ZNF277: variants seen among roughly 807,000 people sequenced by gnomAD.
The protein encoded by ZNF277 is nuclear receptor-interacting factor 4.
Under a neutral mutation model 60.7 loss-of-function variants are expected in ZNF277, and 55 were observed. The observed-to-expected ratio is 0.91, with a 90% CI of 0.73 to 1.13. The LOEUF (loss-of-function observed/expected upper bound fraction) is 1.13. Ranked by LOEUF, ZNF277 falls within the 50% of genes most tolerant of loss-of-function variation. The pLI, the probability that ZNF277 is intolerant of heterozygous loss-of-function variation, is 0.00. For missense variants in ZNF277, 510 were observed against 523.0 expected (o/e 0.98, Z 0.24); for synonymous variants, 178 against 179.3 (o/e 0.99, Z 0.06).
chr7:112,329,776 A>T lies in ZNF277; in HGVS notation c.669-308A>T, dbSNP rs536866333. Among the ~76,000 whole-genome samples, 7 of 152,344 alleles carry T rather than the reference A, an allele frequency of 4.6e-5. No individual in the cohort carries two copies. The South Asian group carries it at 1.4e-3, about 32-fold the overall frequency. ...ATAATTAATTGAAGAACATACCTACATACTTATTTTAGAATAGGTAATTCA... is the reference window on the plus strand; with the variant it reads ...ATAATTAATTGAAGAACATACCTACTTACTTATTTTAGAATAGGTAATTCA... On this transcript the variant is annotated intron_variant, in intron 6 of 11. Transcript: ENST00000361822.
intron 1 of ZNF277, among the ~76,000 whole-genome samples, chr7:112,224,452 C>A (rs935525653): frequency 3.3e-5 from 5 of 152,114 alleles, no homozygotes; most frequent in African/African-American, 1.2e-4. Context: ...GGGCTCAATT[C>A]CTAATACAAC....
At chr7:112,218,884 T>G (rs1183307956) in intron 1 of ZNF277, among the ~76,000 whole-genome samples, 1 of 152,214 alleles carries the variant, frequency 6.6e-6, no homozygotes, top group Admixed American at 6.5e-5. Flanking sequence ...ACACTTAGCT[T>G]GATTCTTTAT....
intron 1 of ZNF277, among the ~76,000 whole-genome samples, chr7:112,237,912 G>A (rs77028615): frequency 0.043 from 6,492 of 152,264 alleles, 333 homozygotes; most frequent in African/African-American, 0.12. Context: ...GAAGATAGAT[G>A]CAGAAATCTT....
chr7:112,239,802 G>A (rs1790900045), intron 1 of ZNF277, among the ~76,000 whole-genome samples: 1 of 152,198 alleles, frequency 6.6e-6, no homozygotes, highest in Admixed American at 6.5e-5. Flanking sequence ...ATCATGGTAT[G>A]TAAACTACTC....
At chr7:112,244,682 A>G (rs913157203) in intron 1 of ZNF277, among the ~76,000 whole-genome samples, 1 of 152,042 alleles carries the variant, frequency 6.6e-6, no homozygotes, top group African/African-American at 2.4e-5. Flanking sequence ...TTTCTCTATT[A>G]CCTCTTTCTT....
chr7:112,285,083 G>A (rs1792034289), intron 1 of ZNF277, among the ~76,000 whole-genome samples: 1 of 152,062 alleles, frequency 6.6e-6, no homozygotes, highest in Admixed American at 6.6e-5. Context: ...AGGCTGGAGT[G>A]CAGTGGCATG....
intron 1 of ZNF277, among the ~76,000 whole-genome samples, chr7:112,210,918 T>C (rs1417680174): frequency 6.6e-6 from 1 of 152,240 alleles, no homozygotes; most frequent in Non-Finnish European, 1.5e-5. Context: ...TTTGCTGTTT[T>C]TAAAAATCAG....
At chr7:112,231,251 G>A (rs1822320346) in intron 1 of ZNF277, among the ~76,000 whole-genome samples, 1 of 151,892 alleles carries the variant, frequency 6.6e-6, no homozygotes, top group Admixed American at 6.6e-5. Context: ...TGTATGATGT[G>A]TGTGTGTAAA....
intron 4 of ZNF277, 53 bp downstream of exon 4, chr7:112,296,364 A>C: frequency 2.4e-6 from 2 of 848,242 alleles, no homozygotes; most frequent in Non-Finnish European, 3.6e-6. Context: ...ATATAAATAC[A>C]TATAAAATCA....
intron 1 of ZNF277, among the ~76,000 whole-genome samples, chr7:112,252,049 A>T (rs1791210612): frequency 6.6e-6 from 1 of 152,374 alleles, no homozygotes; most frequent in Middle Eastern, 3.4e-3. Context: ...GTCTTGTGAC[A>T]TAACTTCTCA....
intron 1 of ZNF277, among the ~76,000 whole-genome samples, chr7:112,275,343 G>GTA (rs1791768369): frequency 6.6e-6 from 1 of 152,182 alleles, no homozygotes; most frequent in Admixed American, 6.5e-5. Flanking sequence ...ATGCTCTGAA[G>GTA]TATCTTCAGT....
chr7:112,302,008 T>C (rs1359498592), intron 4 of ZNF277, among the ~76,000 whole-genome samples: 1 of 152,108 alleles, frequency 6.6e-6, no homozygotes, highest in African/African-American at 2.4e-5. Context: ...CAGTTTTTCC[T>C]TTGTCTACAG....
intron 2 of ZNF277, among the ~76,000 whole-genome samples, chr7:112,294,579 G>C (rs1792283734): frequency 6.6e-6 from 1 of 152,148 alleles, no homozygotes; most frequent in Non-Finnish European, 1.5e-5. Flanking sequence ...GGTTGTACAG[G>C]AGAAGAAAAA....
At chr7:112,267,914 A>G (rs1389988860) in intron 1 of ZNF277, among the ~76,000 whole-genome samples, 1 of 152,188 alleles carries the variant, frequency 6.6e-6, no homozygotes. Flanking sequence ...ATTCTCAAGC[A>G]TCAGGAACTA....
intron 5 of ZNF277, among the ~76,000 whole-genome samples, chr7:112,324,384 G>A (rs1172053736): frequency 6.6e-6 from 1 of 152,134 alleles, no homozygotes; most frequent in Non-Finnish European, 1.5e-5. Context: ...GAAAGGAGTT[G>A]CAATAATAAT....
chr7:112,255,155 T>A (rs1348411406), intron 1 of ZNF277, among the ~76,000 whole-genome samples: 1 of 152,220 alleles, frequency 6.6e-6, no homozygotes, highest in Non-Finnish European at 1.5e-5. Flanking sequence ...AAAGAAGTCT[T>A]TTAAATAGTG....
chr7:112,290,037 G>A (rs1050667441), intron 2 of ZNF277, among the ~76,000 whole-genome samples: 1 of 152,042 alleles, frequency 6.6e-6, no homozygotes, highest in Non-Finnish European at 1.5e-5. Context: ...TGTTGCCCAG[G>A]CTGGTCTAGA....
intron 5 of ZNF277, among the ~76,000 whole-genome samples, chr7:112,319,093 A>C (rs2117112840): frequency 6.6e-6 from 1 of 152,180 alleles, no homozygotes; most frequent in Non-Finnish European, 1.5e-5. Flanking sequence ...GAATTCAGCA[A>C]CCAGCAACCT....
chr7:112,207,388 G>A (rs1821555248), intron 1 of ZNF277, among the ~76,000 whole-genome samples: 1 of 152,156 alleles, frequency 6.6e-6, no homozygotes, highest in African/African-American at 2.4e-5. Flanking sequence ...TGCTCTGGGT[G>A]TTCTTCAGAT....
Sources: allele counts gnomAD v4.1 joint callset (sites outside exome capture counted in the v4.1 genomes callset), GRCh38; gene constraint gnomAD v4.1.1; transcripts MANE v1.5; gene names NCBI Gene and HGNC (gene_info 2026-07-23, HGNC 2026-07-21).